CMKLR1: variants seen among roughly 807,000 people sequenced by gnomAD.
CMKLR1 encodes chemerin-like receptor 1.
Under a neutral mutation model 8.2 loss-of-function variants are expected in CMKLR1, and 6 were observed. That is an observed-to-expected ratio of 0.73 (90% CI 0.40 to 1.44). The LOEUF is 1.44. CMKLR1 is among the 40% of genes most tolerant of loss of function. The pLI is 0.02. For synonymous variants in CMKLR1, 178 were observed against 181.2 expected (o/e 0.98, Z 0.14); for missense variants, 429 against 478.0 (o/e 0.90, Z 0.96).
intron 1 of CMKLR1, among the ~76,000 whole-genome samples, chr12:108,331,411 G>A (rs989207832): frequency 2.7e-5 from 4 of 148,136 alleles, no homozygotes; most frequent in African/African-American, 1.0e-4. Flanking sequence ...TGCTACACTT[G>A]CATCCATTCT....
intron 1 of CMKLR1, among the ~76,000 whole-genome samples, chr12:108,335,229 T>C (rs1469603126): frequency 6.6e-6 from 1 of 152,176 alleles, no homozygotes; most frequent in Non-Finnish European, 1.5e-5. Context: ...GAGCTGCTCT[T>C]TGCCAAGAAC....
At chr12:108,330,262 C>G (rs901587124) in intron 1 of CMKLR1, 55 bp from the exon 2 acceptor site, 1 of 152,248 alleles carries the variant, frequency 6.6e-6, no homozygotes, top group African/African-American at 2.4e-5. Flanking sequence ...GATGTGAGAT[C>G]ATCTTATATA....
At chr12:108,314,645 C>T (rs911381703) in intron 2 of CMKLR1, among the ~76,000 whole-genome samples, 3 of 152,174 alleles carry the variant, frequency 2.0e-5, no homozygotes, top group East Asian at 1.9e-4. Context: ...GGGCCTGAAC[C>T]GTGGCCTTTA....
rs1387443879 is a variant in CMKLR1 at position 108,292,867 on chromosome 12, G to T, written c.96C>A (p.Ser32=). Residue 32 remains serine, a synonymous_variant, in exon 4 of 4, where the codon TCC becomes TCA. Transcript: ENST00000550402. ...TCCTGGTCACCCTGGCTTCCAAGGG[G>T]GATAAGTCCTCCAAAACCACAATGG... The part of the protein sequence containing the change: ...LDSIVVLEDL[S]PLEARVTRIF... 3 of 1,613,910 alleles carry T rather than the reference G, an allele frequency of 1.9e-6. No homozygotes were observed. The highest frequency in any genetic ancestry group is 2.5e-6 in the Non-Finnish European group (3 of 1,179,998).
Position 108,293,578 on chromosome 12 carries a change from G to C in CMKLR1, c.3+11C>G, listed in dbSNP as rs966714662. The stretch of plus-strand genomic sequence containing the variant: ...GTGCCCTTTGGAGTTCAGACCACAA[G>C]ACTTCCTCACCATTCACCGTTATGT... On this transcript the variant is annotated intron_variant, in intron 3 of 3. Coordinates refer to ENST00000550402, the MANE Select transcript of CMKLR1 (RefSeq NM_001142343.2). 1.3e-6 allele frequency: 2 copies of C among 1,549,376 alleles called. No individual in the cohort carries two copies. The highest frequency in any genetic ancestry group is 1.4e-5 in the African/African-American group (1 of 72,268).
At chr12:108,331,788 G>C (rs2137344874) in intron 1 of CMKLR1, among the ~76,000 whole-genome samples, 2 of 152,238 alleles carry the variant, frequency 1.3e-5, no homozygotes, top group Middle Eastern at 3.4e-3. Flanking sequence ...ATGAGTCAAG[G>C]AATGTGGCAG....
intron 2 of CMKLR1, among the ~76,000 whole-genome samples, chr12:108,328,234 G>C (rs183124872): frequency 6.6e-6 from 1 of 152,290 alleles, no homozygotes; most frequent in East Asian, 1.9e-4. Context: ...AAGTCGAAAG[G>C]GAAAAGCCTG....
chr12:108,338,526 G>A (rs568815461), intron 1 of CMKLR1, among the ~76,000 whole-genome samples: 91 of 152,254 alleles, frequency 6.0e-4, no homozygotes, highest in African/African-American at 1.9e-3. Flanking sequence ...AAGCTGCCAC[G>A]GCCTTCCAGG....
Position 108,292,313 on chromosome 12 carries a change from T to TGCC in CMKLR1, c.647_649dup (p.Arg216dup). ...GAAGCGGGTGACAGTCACCACCATG[T>TGCC]GCCGGCTATACCCCACAGGGTCCAT... On this transcript the variant is annotated inframe_insertion, in exon 4 of 4. Transcript: ENST00000550402. 1 of 1,614,172 alleles carries TGCC rather than the reference T, an allele frequency of 6.2e-7. No individual in the cohort carries two copies. Among genetic ancestry groups the TGCC allele is most frequent in the Non-Finnish European group, 8.5e-7 (1 of 1,180,030 alleles).
At chr12:108,302,687 G>T (rs910321417) in intron 2 of CMKLR1, among the ~76,000 whole-genome samples, 2 of 152,170 alleles carry the variant, frequency 1.3e-5, no homozygotes, top group African/African-American at 2.4e-5. Flanking sequence ...AGCCACACAG[G>T]TGCTGGCTAT....
At chr12:108,310,188 T>C (rs1463829330) in intron 2 of CMKLR1, among the ~76,000 whole-genome samples, 1 of 150,894 alleles carries the variant, frequency 6.6e-6, no homozygotes, top group Non-Finnish European at 1.5e-5. Context: ...TGTGTGTGTG[T>C]GTGTGTGTGT....
intron 2 of CMKLR1, among the ~76,000 whole-genome samples, chr12:108,303,994 C>A (rs1467267703): frequency 2.0e-5 from 3 of 152,196 alleles, no homozygotes; most frequent in African/African-American, 7.2e-5. Flanking sequence ...TCCCCCTAAC[C>A]CTGCAAGGTC....
At chr12:108,332,082 A>G (rs1892122418) in intron 1 of CMKLR1, among the ~76,000 whole-genome samples, 1 of 152,224 alleles carries the variant, frequency 6.6e-6, no homozygotes, top group Middle Eastern at 3.2e-3. Flanking sequence ...AAGGATGGGC[A>G]TTTGAGTGTC....
rs1003030788 is a variant in CMKLR1, at chr12:108,290,698, G to A, written c.*1143C>T. 6.6e-6 allele frequency: 1 copy of A among 152,254 alleles called. No homozygotes were observed. The highest frequency in any genetic ancestry group is 2.4e-5 in the African/African-American group (1 of 41,462). 9.4% of individuals were successfully genotyped at this position (152,254 alleles called of 1,614,324 possible). ...GTATTAGATGAGAAAAGCCATGCCA[G>A]GCACCTGTATCCAGGAGGTATTTGG... On this transcript the variant is annotated 3_prime_UTR_variant, in exon 4 of 4. Transcript: ENST00000550402.
chr12:108,327,519 GGAGT>G (rs916594456), intron 2 of CMKLR1, among the ~76,000 whole-genome samples: 1 of 152,208 alleles, frequency 6.6e-6, no homozygotes, highest in African/African-American at 2.4e-5. Flanking sequence ...AGAGAATGAA[GGAGT>G]GAGTGAACAC....
intron 2 of CMKLR1, among the ~76,000 whole-genome samples, chr12:108,308,592 A>T (rs1891470454): frequency 6.6e-6 from 1 of 152,098 alleles, no homozygotes; most frequent in Non-Finnish European, 1.5e-5. Context: ...GGGTCCAGGG[A>T]GCTGGGAATG....
intron 1 of CMKLR1, among the ~76,000 whole-genome samples, chr12:108,332,951 G>A (rs1425422577): frequency 6.6e-6 from 1 of 151,990 alleles, no homozygotes. Context: ...CTCCAGCCTG[G>A]GTGACAGAAT....
At position 108,320,209 on chromosome 12, in the gene CMKLR1, T is replaced by C. The variant is rs184876429; in HGVS notation, c.-74+9786A>G. ...ACAGCTGGAGAAGAAGGTTGTGAAC[T>C]GAGTTGGGATTTAAAGCTGTGATGG... On this transcript the variant is annotated intron_variant, in intron 2 of 3. Transcript: ENST00000550402. Among the ~76,000 whole-genome samples the C allele has an allele frequency of 2.6e-3, 398 of 152,236 alleles. 1 individual carries two copies. The highest frequency in any genetic ancestry group is 6.4e-3 in the Admixed American group (98 of 15,306).
At chr12:108,313,158 G>A (rs1224528129) in intron 2 of CMKLR1, among the ~76,000 whole-genome samples, 1 of 152,098 alleles carries the variant, frequency 6.6e-6, no homozygotes, top group Non-Finnish European at 1.5e-5. Context: ...AGGGAAGGAG[G>A]GGCAGGCTGC....
Sources: gnomAD v4.1 joint callset for allele counts (sites outside exome capture counted in the v4.1 genomes callset) on GRCh38, gnomAD v4.1.1 for gene constraint, MANE v1.5 for transcripts, NCBI Gene and HGNC (gene_info 2026-07-23, HGNC 2026-07-21) for gene names.